Variants in SERPINI2 observed in about 807,000 individuals in gnomAD.
SERPINI2 encodes the protein serpin family I member 2.
Under a neutral mutation model 47.3 loss-of-function variants are expected in SERPINI2, and 48 were observed. The ratio of observed to expected loss-of-function variants is 1.02; its 90% CI spans 0.81 to 1.29. SERPINI2 has a LOEUF of 1.29. Among genes scored for constraint, SERPINI2 ranks in the 50% most tolerant of loss-of-function variants. SERPINI2 has a pLI of 0.00. For synonymous variants in SERPINI2, 135 were observed against 149.3 expected (o/e 0.90, Z 0.70); for missense variants, 448 against 456.9 (o/e 0.98, Z 0.18).
chr3:167,464,474 G>A lies in SERPINI2; in HGVS notation c.866+732C>T, dbSNP rs149470866. ...TGGAAAAGGAAGTAAAAACCAAGAG[G>A]TTTAAGAGACCAATGGCCAGAAACA... On this transcript the variant is annotated intron_variant, in intron 5 of 8. Coordinates refer to ENST00000264677, the Ensembl canonical transcript of SERPINI2. Among the ~76,000 whole-genome samples the A allele has an allele frequency of 4.0e-3, 600 of 150,330 alleles. 4 individuals carry two copies. Among genetic ancestry groups the A allele is most frequent in the African/African-American group, 0.014 (570 of 41,092 alleles).
At chr3:167,464,019 T>C (rs1750061486) in intron 5 of SERPINI2, among the ~76,000 whole-genome samples, 2 of 147,500 alleles carry the variant, frequency 1.4e-5, no homozygotes, top group Admixed American at 6.7e-5. Flanking sequence ...CTTTTTTTTT[T>C]TTTTTTTTTT....
chr3:167,455,122 GGT>G lies in SERPINI2; in HGVS notation c.867-2091_867-2090del, dbSNP rs541099238. Among the ~76,000 whole-genome samples, 277 of 152,170 alleles carry G rather than the reference GGT, an allele frequency of 1.8e-3. 1 individual carries two copies. Among genetic ancestry groups the G allele is most frequent in the African/African-American group, 6.3e-3 (262 of 41,496 alleles). On this transcript the variant is annotated intron_variant, in intron 5 of 8. Coordinates refer to ENST00000264677, the Ensembl canonical transcript of SERPINI2. ...GAGTCTTCATATTTCTCCCAGTTGT[GGT>G]TCATTTTCCCTTTTCCTTAATCCTC...
intron 6 of SERPINI2, among the ~76,000 whole-genome samples, chr3:167,452,334 C>G (rs2108156124): frequency 6.6e-6 from 1 of 152,188 alleles, no homozygotes; most frequent in African/African-American, 2.4e-5. Flanking sequence ...TCGAAGAATT[C>G]AAAGACTATC....
At chr3:167,463,904 T>C (rs780961878) in intron 5 of SERPINI2, among the ~76,000 whole-genome samples, 2 of 151,120 alleles carry the variant, frequency 1.3e-5, no homozygotes, top group Non-Finnish European at 2.9e-5. Flanking sequence ...AAGGAAGGAG[T>C]GCTGAGCTCT....
exon 8 of SERPINI2, chr3:167,446,450 A>G: frequency 6.2e-7 from 1 of 1,609,806 alleles, no homozygotes; most frequent in Non-Finnish European, 8.5e-7. Context: ...ATTGGCTTTG[A>G]GCCAGACTCA....
intron 8 of SERPINI2, 86 bp from the exon 9 acceptor site, chr3:167,442,271 T>C (rs1047178144): frequency 1.9e-5 from 18 of 940,332 alleles, no homozygotes; most frequent in Middle Eastern, 3.3e-4. Flanking sequence ...ATATTTAACA[T>C]GTCATTTGGT....
At chr3:167,465,753 A>G (rs1202157280) in intron 3 of SERPINI2, 80 bp from the exon 4 acceptor site, 1 of 1,258,696 alleles carries the variant, frequency 7.9e-7, no homozygotes, top group African/African-American at 1.5e-5. Flanking sequence ...GAATTAAAGC[A>G]AAAGTGTCTT....
At chr3:167,475,723 C>CGGGG (rs141289108), upstream of SERPINI2, among the ~76,000 whole-genome samples, 28 of 139,568 alleles carry the variant, frequency 2.0e-4, no homozygotes, top group African/African-American at 7.1e-4. Context: ...CCTAGAAAAT[C>CGGGG]GGGGTGGGGG....
rs193184806 is a variant in SERPINI2, at chr3:167,446,661, A to C, written c.1052-180T>G. The C allele has an allele frequency of 1.1e-3, 458 of 415,680 alleles. 1 individual carries two copies. Among genetic ancestry groups the C allele is most frequent in the Non-Finnish European group, 1.7e-3 (389 of 233,592 alleles). 25.7% of individuals were successfully genotyped at this position (415,680 alleles called of 1,614,324 possible). On this transcript the variant is annotated intron_variant, in intron 7 of 8. Transcript: ENST00000264677. ...AATAAATTTAAAAACCAAAGTACTG[A>C]AGAATAAATATTAGGTCACTCACAG...
chr3:167,475,318 T>C (rs578200255), upstream of SERPINI2, among the ~76,000 whole-genome samples: 34 of 151,932 alleles, frequency 2.2e-4, 1 homozygote, highest in South Asian at 6.0e-3. Flanking sequence ...AGACTATCAT[T>C]CAATCAATGC....
chr3:167,468,576 A>G (rs1750213795), intron 2 of SERPINI2, among the ~76,000 whole-genome samples: 1 of 152,144 alleles, frequency 6.6e-6, no homozygotes, highest in Non-Finnish European at 1.5e-5. Flanking sequence ...TTCTCTGTTC[A>G]CTGGTATATA....
intron 5 of SERPINI2, among the ~76,000 whole-genome samples, chr3:167,454,019 T>C (rs535482654): frequency 2.0e-5 from 3 of 152,350 alleles, no homozygotes; most frequent in Admixed American, 6.5e-5. Context: ...ATATATTTCC[T>C]ACATCAGCAA....
At chr3:167,476,863 C>T (rs146874322), upstream of SERPINI2, among the ~76,000 whole-genome samples, 204 of 152,044 alleles carry the variant, frequency 1.3e-3, 5 homozygotes, top group East Asian at 0.031. Flanking sequence ...GGGAAAAGAG[C>T]CTTTGCAAAT....
intron 5 of SERPINI2, among the ~76,000 whole-genome samples, chr3:167,454,494 T>G (rs372930068): frequency 3.3e-5 from 5 of 152,170 alleles, no homozygotes; most frequent in African/African-American, 1.2e-4. Flanking sequence ...TTGGCTTTTT[T>G]CCTGTTTTTA....
intron 8 of SERPINI2, among the ~76,000 whole-genome samples, chr3:167,443,069 G>T (rs979824459): frequency 3.9e-5 from 6 of 152,168 alleles, no homozygotes; most frequent in Non-Finnish European, 8.8e-5. Context: ...CATGGAAATA[G>T]ACATAAACTC....
intron 5 of SERPINI2, among the ~76,000 whole-genome samples, chr3:167,463,091 G>A (rs1453442335): frequency 6.6e-6 from 1 of 151,578 alleles, no homozygotes; most frequent in Non-Finnish European, 1.5e-5. Context: ...ACTCTCCTGA[G>A]ACCCCACTGG....
chr3:167,457,013 G>A lies in SERPINI2; in HGVS notation c.867-3980C>T, dbSNP rs117345817. Among the ~76,000 whole-genome samples the A allele has an allele frequency of 5.2e-4, 79 of 152,258 alleles. No individual in the cohort carries two copies. In the East Asian group the frequency reaches 0.014, roughly 28 times the overall value. On this transcript the variant is annotated intron_variant, in intron 5 of 8. Coordinates refer to ENST00000264677, the Ensembl canonical transcript of SERPINI2. ...CTTAAAGTTATATAGTAAGAAAGTG[G>A]CAGGGCTCTGGGTCTTCAATATTAT...
intron 6 of SERPINI2, among the ~76,000 whole-genome samples, chr3:167,451,666 G>C (rs1361468686): frequency 6.6e-6 from 1 of 152,204 alleles, no homozygotes; most frequent in Admixed American, 6.5e-5. Context: ...CATTTTGGAA[G>C]TATTTTCTTT....
intron 5 of SERPINI2, among the ~76,000 whole-genome samples, chr3:167,456,560 C>T (rs1451444042): frequency 1.3e-5 from 2 of 152,328 alleles, no homozygotes; most frequent in Middle Eastern, 3.4e-3. Context: ...TCTCATCCTA[C>T]TGCTCACCCT....
Sources: gnomAD v4.1 joint callset for allele counts (sites outside exome capture counted in the v4.1 genomes callset) on GRCh38, gnomAD v4.1.1 for gene constraint, MANE v1.5 for transcripts, NCBI Gene and HGNC (gene_info 2026-07-23, HGNC 2026-07-21) for gene names.